The following LSM11 variants were observed in gnomAD, a reference collection of about 807,000 sequenced individuals.
LSM11 encodes U7 snRNA-associated Sm-like protein LSm11.
A neutral mutation model predicts 28.1 loss-of-function variants in LSM11; 14 were observed. That is an observed-to-expected ratio of 0.50 (90% CI 0.33 to 0.78). The LOEUF (loss-of-function observed/expected upper bound fraction) is 0.78, where lower values mean the gene tolerates loss of function less well. LSM11 is among the 30% of genes least tolerant of loss of function. LSM11 has a pLI of 0.02. For synonymous variants in LSM11, 207 were observed against 214.2 expected (o/e 0.97, Z 0.30); for missense variants, 495 against 510.6 (o/e 0.97, Z 0.30).
In LSM11 at chr5:157,755,378, A is replaced by G. The variant is rs80225356; in HGVS notation, c.*114A>G. On this transcript the variant is annotated 3_prime_UTR_variant, in exon 4 of 4. Coordinates refer to ENST00000286307, the MANE Select transcript of LSM11 (RefSeq NM_173491.4). ...GGAATGATTCCCTCTGGTCCTGCAT[A>G]TGCAGAGGACGGAGCAGGCTCAGCC... is the stretch of plus-strand genomic sequence containing the variant. 3.1e-3 allele frequency: 3,762 copies of G among 1,198,670 alleles called. 96 individuals are homozygous for G. In the African/African-American group the frequency reaches 0.05, roughly 16 times the overall value. The allele number at this position is 1,198,670 out of a possible 1,614,324, so 74.3% of individuals were successfully genotyped here.
At chr5:157,746,878 AG>A (rs1243609247) in intron 1 of LSM11, among the ~76,000 whole-genome samples, 1 of 152,188 alleles carries the variant, frequency 6.6e-6, no homozygotes, top group Non-Finnish European at 1.5e-5. Flanking sequence ...GGGACATCAT[AG>A]AGACCTCTAC....
At chr5:157,747,788 T>C (rs1761169248) in intron 1 of LSM11, 1 of 152,396 alleles carries the variant, frequency 6.6e-6, no homozygotes, top group South Asian at 2.1e-4. Context: ...ACTCTCAAAT[T>C]TGAACAGCAT....
In LSM11 at chr5:157,755,832, T is replaced by C. The variant is rs1482382200; in HGVS notation, c.*568T>C. ...TACCAACTTATGTAGGGGTGAAATT[T>C]GGATAGGCGGTATGCTCAAAGCAGC... On this transcript the variant is annotated 3_prime_UTR_variant, in exon 4 of 4. Coordinates refer to ENST00000286307, the MANE Select transcript of LSM11 (RefSeq NM_173491.4). 4 of 400,288 alleles carry C rather than the reference T, an allele frequency of 1.0e-5. No homozygotes were observed. In the East Asian group the frequency reaches 1.1e-4, roughly 11 times the overall value. The allele number at this position is 400,288 out of a possible 1,614,324, so 24.8% of individuals were successfully genotyped here. A position where few individuals can be genotyped will look rare whatever the true frequency, so the allele number is the denominator to read the frequency against.
chr5:157,754,692 CAAAAA>C (rs34644413), intron 3 of LSM11, among the ~76,000 whole-genome samples, 157 bp from the exon 4 acceptor site: 10 of 90,250 alleles, frequency 1.1e-4, no homozygotes, highest in Admixed American at 1.3e-4. Context: ...ACTCCGTCTC[CAAAAA>C]AAAAAAAAAA....
At position 157,754,952 on chromosome 5, in the gene LSM11, C is replaced by G; in HGVS notation, c.771C>G (p.Ser257=). 6.2e-7 allele frequency: 1 copy of G among 1,614,206 alleles called. No homozygotes were observed. Among genetic ancestry groups the G allele is most frequent in the Non-Finnish European group, 8.5e-7 (1 of 1,180,014 alleles). The change falls in exon 4 of 4, where the codon TCC becomes TCG. Residue 257 remains serine (S), a synonymous_variant. Transcript: ENST00000286307. The part of the protein sequence containing the change: ...DSTLSRYSQT[S]TWKLASVWGR... Reference sequence around the variant, plus strand: ...CTCTGTCTAGATACTCACAGACATCCACTTGGAAGTTGGCTTCAGTGTGGG... The same window carrying G: ...CTCTGTCTAGATACTCACAGACATCGACTTGGAAGTTGGCTTCAGTGTGGG...
chr5:157,743,765 G>C lies in LSM11; in HGVS notation c.15G>C (p.Glu5Asp). The C allele has an allele frequency of 2.1e-6, 3 of 1,404,764 alleles. No individual in the cohort carries two copies. The highest frequency in any genetic ancestry group is 1.8e-6 in the Non-Finnish European group (2 of 1,081,540). 87.0% of individuals were successfully genotyped at this position (1,404,764 alleles called of 1,614,324 possible). ...GCCTTTCAAACATGGAGGAGCGGGA[G>C]CGGGGGGCGAGGTCGGCTGGCGCCG... is the stretch of plus-strand genomic sequence containing the variant. Reference protein sequence around the residue: MEERERGARSAGAGS... With the variant: MEERDRGARSAGAGS... The change falls in exon 1 of 4, where the codon GAG (glutamate) becomes GAC (aspartate). Residue 5 changes from glutamate (E) to aspartate (D), a missense_variant. Glu to Asp is a conservative substitution (Grantham distance 45, BLOSUM62 2). Coordinates refer to ENST00000286307, the MANE Select transcript of LSM11 (RefSeq NM_173491.4).
chr5:157,743,976 C>G lies in LSM11; in HGVS notation c.226C>G (p.Arg76Gly), dbSNP rs752609900. ...GVRGGGRGRG[R>G]ARGAAAGSGV... Reference sequence around the variant, plus strand: ...CCGGGGCGGCGGGCGCGGGCGCGGGCGGGCTCGGGGCGCGGCCGCGGGCTC... The same window carrying G: ...CCGGGGCGGCGGGCGCGGGCGCGGGGGGGCTCGGGGCGCGGCCGCGGGCTC... The change falls in exon 1 of 4, where the codon CGG (arginine) becomes GGG (glycine). Residue 76 changes from arginine (R) to glycine (G), a missense_variant. Coordinates refer to ENST00000286307, the MANE Select transcript of LSM11 (RefSeq NM_173491.4). 7.9e-7 allele frequency: 1 copy of G among 1,271,346 alleles called. No individual in the cohort carries two copies. Among genetic ancestry groups the G allele is most frequent in the Non-Finnish European group, 9.9e-7 (1 of 1,009,234 alleles). The allele number at this position is 1,271,346 out of a possible 1,614,324, so 78.8% of individuals were successfully genotyped here. A position where few individuals can be genotyped will look rare whatever the true frequency, so the allele number is the denominator to read the frequency against.
chr5:157,750,845 G>A lies in LSM11; in HGVS notation c.449-545G>A, dbSNP rs575154190. 1.9e-3 allele frequency among the ~76,000 whole-genome samples: 283 copies of A among 152,190 alleles called. 1 individual carries two copies. Among genetic ancestry groups the A allele is most frequent in the African/African-American group, 6.6e-3 (275 of 41,512 alleles). On this transcript the variant is annotated intron_variant, in intron 1 of 3. Coordinates refer to ENST00000286307, the MANE Select transcript of LSM11 (RefSeq NM_173491.4). ...TGCCCAGGCTGGAGTGCAATGGTGCGATCTCGGCTCACTGCAACTTCCACC... is the reference window on the plus strand; with the variant it reads ...TGCCCAGGCTGGAGTGCAATGGTGCAATCTCGGCTCACTGCAACTTCCACC...
rs756171054 is a variant in LSM11 at position 157,755,246 on chromosome 5, G to A, written c.1065G>A (p.Leu355=). The A allele has an allele frequency of 2.5e-6, 4 of 1,613,926 alleles. No homozygotes were observed. The highest frequency in any genetic ancestry group is 2.5e-6 in the Non-Finnish European group (3 of 1,179,918). The part of the protein sequence containing the change: ...QIFIRGENVL[L]VHLAQ The stretch of plus-strand genomic sequence containing the variant: ...TCATTCGAGGCGAGAATGTCCTGCT[G>A]GTTCATCTTGCACAGTGACCAGCTC... Residue 355 remains leucine, a synonymous_variant, in exon 4 of 4, where the codon CTG becomes CTA. Transcript: ENST00000286307.
At chr5:157,744,417 G>A (rs1473834323) in intron 1 of LSM11, among the ~76,000 whole-genome samples, 1 of 152,174 alleles carries the variant, frequency 6.6e-6, no homozygotes, top group Non-Finnish European at 1.5e-5. Flanking sequence ...TAAGAAAAGG[G>A]GCTGTAGGAG....
At chr5:157,746,471 G>A (rs974333343) in intron 1 of LSM11, among the ~76,000 whole-genome samples, 1 of 152,210 alleles carries the variant, frequency 6.6e-6, no homozygotes, top group Admixed American at 6.5e-5. Context: ...AGAGAGGACA[G>A]TGTGGAATGT....
Position 157,755,057 on chromosome 5 carries a change from G to C in LSM11, c.876G>C (p.Glu292Asp). 6.2e-7 allele frequency: 1 copy of C among 1,614,222 alleles called. No individual in the cohort carries two copies. The highest frequency in any genetic ancestry group is 8.5e-7 in the Non-Finnish European group (1 of 1,180,038). The change falls in exon 4 of 4, where the codon GAG (glutamate) becomes GAC (aspartate). Residue 292 changes from glutamate to aspartate, a missense_variant. Transcript: ENST00000286307. ...CCCTGCAGGCCTCTGCAAGGGAGGAGTCCAGGTCAGAGCTGTCAGGGAGGA... is the reference window on the plus strand; with the variant it reads ...CCCTGCAGGCCTCTGCAAGGGAGGACTCCAGGTCAGAGCTGTCAGGGAGGA... The part of the protein sequence containing the change: ...PSSLQASARE[E>D]SRSELSGRTT...
intron 1 of LSM11, among the ~76,000 whole-genome samples, chr5:157,748,101 T>C (rs1017077107): frequency 6.6e-6 from 1 of 152,040 alleles, no homozygotes; most frequent in Non-Finnish European, 1.5e-5. Context: ...GATTCAAACA[T>C]TGTACTTTCA....
At position 157,744,144 on chromosome 5, in the gene LSM11, A is replaced by G; in HGVS notation, c.394A>G (p.Arg132Gly). The G allele has an allele frequency of 6.9e-7, 1 of 1,453,672 alleles. No homozygotes were observed. Among genetic ancestry groups the G allele is most frequent in the Non-Finnish European group, 9.1e-7 (1 of 1,104,852 alleles). The allele number at this position is 1,453,672 out of a possible 1,614,324, so 90.0% of individuals were successfully genotyped here. Reference protein sequence around the residue: ...EGDGAAGAGRRGPGRSRKAPR... With the variant: ...EGDGAAGAGRGGPGRSRKAPR... ...GGACGGGGCCGCAGGAGCGGGCCGG[A>G]GGGGTCCGGGTCGGAGCAGGAAGGC... The change falls in exon 1 of 4, where the codon AGG (arginine) becomes GGG (glycine). Residue 132 changes from arginine to glycine, a missense_variant. Transcript: ENST00000286307.
rs184778310 is a variant in LSM11 at position 157,748,454 on chromosome 5, T to G, written c.449-2936T>G. 9.2e-5 allele frequency among the ~76,000 whole-genome samples: 14 copies of G among 152,326 alleles called. No individual in the cohort carries two copies. In the East Asian group the frequency reaches 2.7e-3, roughly 29 times the overall value. ...CTAAGATTTCCAATTTATCTGTTGTTTCTTGTGTAAGAGCATGTACTTACT... is the reference window on the plus strand; with the variant it reads ...CTAAGATTTCCAATTTATCTGTTGTGTCTTGTGTAAGAGCATGTACTTACT... On this transcript the variant is annotated intron_variant, in intron 1 of 3. Coordinates refer to ENST00000286307, the MANE Select transcript of LSM11 (RefSeq NM_173491.4).
chr5:157,749,748 G>A (rs895018625), intron 1 of LSM11, among the ~76,000 whole-genome samples: 1 of 152,108 alleles, frequency 6.6e-6, no homozygotes, highest in Admixed American at 6.5e-5. Flanking sequence ...TTCCAACTCC[G>A]AGTTATTCTC....
At chr5:157,753,765 C>T (rs1761278144) in intron 2 of LSM11, among the ~76,000 whole-genome samples, 3 of 152,172 alleles carry the variant, frequency 2.0e-5, no homozygotes, top group Admixed American at 2.0e-4. Context: ...ACCATGCAGT[C>T]ATAAAGGCCC....
rs1465043643 is a variant in LSM11, at chr5:157,755,093, A to T, written c.912A>T (p.Thr304=). ...AGCTGTCAGGGAGGACTACACGGAC[A>T]GACGGCTCCAGTGTGGGAGGTACCT... ...RSELSGRTTR[T]DGSSVGGTFS... The change falls in exon 4 of 4, where the codon ACA becomes ACT. Residue 304 remains threonine (T), a synonymous_variant. Coordinates refer to ENST00000286307, the MANE Select transcript of LSM11 (RefSeq NM_173491.4). 6.2e-7 allele frequency: 1 copy of T among 1,614,096 alleles called. No individual in the cohort carries two copies. Among genetic ancestry groups the T allele is most frequent in the East Asian group, 2.2e-5 (1 of 44,896 alleles).
intron 1 of LSM11, among the ~76,000 whole-genome samples, chr5:157,749,606 A>ACACACC (rs1554095384): frequency 1.3e-5 from 2 of 151,806 alleles, no homozygotes; most frequent in Non-Finnish European, 2.9e-5. Context: ...ACACACACAC[A>ACACACC]CCCACACACC....
Sources: gnomAD v4.1 joint callset for allele counts (sites outside exome capture counted in the v4.1 genomes callset) on GRCh38, gnomAD v4.1.1 for gene constraint, MANE v1.5 for transcripts, NCBI Gene and HGNC (gene_info 2026-07-23, HGNC 2026-07-21) for gene names.